Variants in ADGRL3 observed in about 807,000 individuals in gnomAD.
The protein encoded by ADGRL3 is adhesion G protein-coupled receptor L3.
A neutral mutation model predicts 153.5 loss-of-function variants in ADGRL3; 62 were observed. The observed-to-expected ratio is 0.40, with a 90% CI of 0.33 to 0.50. ADGRL3 has a LOEUF of 0.50. Ranked by LOEUF, ADGRL3 falls within the 20% of genes least tolerant of loss-of-function variation. The pLI, the probability that ADGRL3 is intolerant of heterozygous loss-of-function variation, is 0.47. For missense variants in ADGRL3, 1,641 were observed against 1,859.4 expected (o/e 0.88, Z 2.16); for synonymous variants, 710 against 672.5 (o/e 1.06, Z -0.86).
intron 1 of ADGRL3, among the ~76,000 whole-genome samples, chr4:61,303,079 A>G (rs1392491287): frequency 6.6e-6 from 1 of 152,194 alleles, no homozygotes; most frequent in Non-Finnish European, 1.5e-5. Context: ...TGAATTAATG[A>G]GTAGAAATAT....
intron 20 of ADGRL3, among the ~76,000 whole-genome samples, chr4:61,997,842 A>G (rs1398317658): frequency 6.6e-6 from 1 of 152,210 alleles, no homozygotes; most frequent in Non-Finnish European, 1.5e-5. Context: ...TAGAAATAGT[A>G]ACACACCTAA....
intron 5 of ADGRL3, among the ~76,000 whole-genome samples, chr4:61,652,828 C>T (rs1035637396): frequency 1.3e-5 from 2 of 152,234 alleles, no homozygotes; most frequent in South Asian, 2.1e-4. Flanking sequence ...AACTACTGAG[C>T]ATTTGCTATA....
intron 4 of ADGRL3, among the ~76,000 whole-genome samples, chr4:61,577,183 A>T (rs932576068): frequency 2.9e-5 from 4 of 137,914 alleles, no homozygotes; most frequent in Non-Finnish European, 3.1e-5. Context: ...TGTGTGTGTG[A>T]GAGAGAGAGT....
At chr4:61,826,190 T>C (rs1172492543) in intron 9 of ADGRL3, among the ~76,000 whole-genome samples, 1 of 152,086 alleles carries the variant, frequency 6.6e-6, no homozygotes, top group East Asian at 1.9e-4. Flanking sequence ...AAAAGACATA[T>C]AAGATGGTTA....
chr4:61,829,430 G>A (rs1377243327), intron 9 of ADGRL3, among the ~76,000 whole-genome samples: 3 of 152,048 alleles, frequency 2.0e-5, no homozygotes, highest in African/African-American at 7.2e-5. Context: ...TGAAATTTGA[G>A]AAGTGGGAAA....
At chr4:61,904,415 T>G (rs2149750863) in intron 11 of ADGRL3, among the ~76,000 whole-genome samples, 1 of 152,232 alleles carries the variant, frequency 6.6e-6, no homozygotes, top group African/African-American at 2.4e-5. Flanking sequence ...TCCCAAAGTG[T>G]TAGGATAACA....
chr4:61,603,750 G>C (rs1560920394), intron 5 of ADGRL3, among the ~76,000 whole-genome samples: 1 of 151,592 alleles, frequency 6.6e-6, no homozygotes. Context: ...TTGTTTGTTT[G>C]TTTTCCCTGA....
chr4:61,220,446 A>G (rs1744955537), intron 1 of ADGRL3, among the ~76,000 whole-genome samples: 1 of 152,134 alleles, frequency 6.6e-6, no homozygotes. Context: ...GTATCATTTT[A>G]TGCTCTATAT....
chr4:61,358,745 C>A (rs1560515648), intron 1 of ADGRL3, among the ~76,000 whole-genome samples: 3 of 152,082 alleles, frequency 2.0e-5, no homozygotes, highest in Admixed American at 1.3e-4. Context: ...CCTCTCTAAT[C>A]TACAAGTTTT....
chr4:62,020,656 A>G (rs1371980511), intron 21 of ADGRL3, among the ~76,000 whole-genome samples: 1 of 152,122 alleles, frequency 6.6e-6, no homozygotes, highest in Non-Finnish European at 1.5e-5. Flanking sequence ...TTGAAAAGTC[A>G]TAAGAAAAAA....
intron 9 of ADGRL3, among the ~76,000 whole-genome samples, chr4:61,848,808 C>G (rs2098167973): frequency 6.6e-6 from 1 of 152,126 alleles, no homozygotes; most frequent in South Asian, 2.1e-4. Context: ...TGGCTACGAT[C>G]TGTTCCAGAG....
intron 8 of ADGRL3, among the ~76,000 whole-genome samples, chr4:61,774,281 TG>T (rs2097120330): frequency 6.8e-6 from 1 of 147,788 alleles, no homozygotes; most frequent in African/African-American, 2.5e-5. Flanking sequence ...CACTTGAACC[TG>T]GGAGGCGGAG....
intron 9 of ADGRL3, among the ~76,000 whole-genome samples, chr4:61,854,730 G>A (rs141236160): frequency 1.4e-3 from 209 of 152,220 alleles, no homozygotes; most frequent in Middle Eastern, 0.014. Context: ...GAGGAAAAAA[G>A]TAAGTTTTCA....
chr4:61,860,750 A>G (rs943116456), intron 9 of ADGRL3, among the ~76,000 whole-genome samples: 1 of 152,138 alleles, frequency 6.6e-6, no homozygotes, highest in Admixed American at 6.6e-5. Flanking sequence ...TCATATGGCA[A>G]TTACTCTTCT....
chr4:61,771,334 G>A (rs1014968669), intron 8 of ADGRL3, among the ~76,000 whole-genome samples: 1 of 152,200 alleles, frequency 6.6e-6, no homozygotes, highest in Non-Finnish European at 1.5e-5. Context: ...CCTAAAGCAA[G>A]CTGGATAACT....
At chr4:61,614,714 C>T (rs557172598) in intron 5 of ADGRL3, among the ~76,000 whole-genome samples, 1 of 152,286 alleles carries the variant, frequency 6.6e-6, no homozygotes, top group Non-Finnish European at 1.5e-5. Flanking sequence ...TTCCTGACTT[C>T]CCTGTCTAAA....
At position 61,332,886 on chromosome 4, in the gene ADGRL3, G is replaced by A. The variant is rs555455201; in HGVS notation, c.-239-50238G>A. The stretch of plus-strand genomic sequence containing the variant: ...CTGTCTTTGAAGGCTCTGACGATTG[G>A]GTTGCTGGCATGGTGAAGGCATGGT... On this transcript the variant is annotated intron_variant, in intron 1 of 26. Coordinates refer to ENST00000683033, the MANE Select transcript of ADGRL3 (RefSeq NM_001387552.1). 9.2e-5 allele frequency among the ~76,000 whole-genome samples: 14 copies of A among 152,170 alleles called. No individual in the cohort carries two copies. In the East Asian group the frequency reaches 2.1e-3, roughly 23 times the overall value.
intron 1 of ADGRL3, among the ~76,000 whole-genome samples, chr4:61,298,359 G>T (rs2094478557): frequency 6.6e-6 from 1 of 152,062 alleles, no homozygotes; most frequent in Non-Finnish European, 1.5e-5. Flanking sequence ...CCCTCTAGTT[G>T]GGCAATTGTG....
chr4:61,485,497 G>A (rs2098180815), intron 2 of ADGRL3, among the ~76,000 whole-genome samples: 2 of 151,986 alleles, frequency 1.3e-5, no homozygotes, highest in Non-Finnish European at 2.9e-5. Flanking sequence ...AATATCAAGC[G>A]TTTTAAACTC....
Sources: gnomAD v4.1 joint callset for allele counts (sites outside exome capture counted in the v4.1 genomes callset) on GRCh38, gnomAD v4.1.1 for gene constraint, MANE v1.5 for transcripts, NCBI Gene and HGNC (gene_info 2026-07-23, HGNC 2026-07-21) for gene names.